Variants in CAMK2A observed in about 807,000 individuals in gnomAD.
CAMK2A encodes the protein calcium/calmodulin dependent protein kinase II alpha, also known as calcium/calmodulin-dependent protein kinase type II subunit alpha.
Under a neutral mutation model 79.2 loss-of-function variants are expected in CAMK2A, and 7 were observed. The ratio of observed to expected loss-of-function variants is 0.09; its 90% CI spans 0.05 to 0.17. The LOEUF is 0.17. CAMK2A is among the 10% of genes least tolerant of loss of function. The probability of loss-of-function intolerance (pLI) is 1.00; values close to 1 mark genes in which losing one functional copy is unlikely to be tolerated. For synonymous variants in CAMK2A, 242 were observed against 251.7 expected (o/e 0.96, Z 0.36); for missense variants, 214 against 646.4 (o/e 0.33, Z 7.25).
At chr5:150,225,041 G>GGAGAGAGAGAGAGAGAGAGAGA (rs58360121) in intron 17 of CAMK2A, among the ~76,000 whole-genome samples, 5 of 108,892 alleles carry the variant, frequency 4.6e-5, no homozygotes, top group Admixed American at 1.0e-4. Context: ...TGGTAGGTAG[G>GGAGAGAGAGAGAGAGAGAGAGA]GAGAGAGAGA....
At chr5:150,261,492 T>C (rs2150290370) in intron 3 of CAMK2A, among the ~76,000 whole-genome samples, 2 of 152,334 alleles carry the variant, frequency 1.3e-5, no homozygotes, top group African/African-American at 4.8e-5. Context: ...TCTGTCACTT[T>C]TGACTGTTTA....
intron 13 of CAMK2A, among the ~76,000 whole-genome samples, chr5:150,243,311 C>T (rs1201499328): frequency 2.0e-5 from 3 of 152,180 alleles, no homozygotes; most frequent in Non-Finnish European, 2.9e-5. Flanking sequence ...CCACATCCCC[C>T]AAATCGGAAC....
In CAMK2A at chr5:150,272,454, C is replaced by T. The variant is rs561943502; in HGVS notation, c.157+611G>A. On this transcript the variant is annotated intron_variant, in intron 2 of 18. Transcript: ENST00000671881. ...GGGCATGGCGGTGGACGCTTGTAAT[C>T]CCAGCTACTCAGGAGGCTGAGGCAG... Among the ~76,000 whole-genome samples the T allele has an allele frequency of 2.0e-5, 3 of 151,878 alleles. No individual in the cohort carries two copies. In the South Asian group the frequency reaches 6.3e-4, roughly 32 times the overall value.
chr5:150,236,452 C>T (rs573079867), intron 15 of CAMK2A, among the ~76,000 whole-genome samples: 1 of 152,360 alleles, frequency 6.6e-6, no homozygotes, highest in East Asian at 1.9e-4. Context: ...TATGCATCTT[C>T]TCATTTCATC....
At chr5:150,276,862 T>A (rs1445300224) in intron 1 of CAMK2A, among the ~76,000 whole-genome samples, 1 of 152,034 alleles carries the variant, frequency 6.6e-6, no homozygotes, top group Non-Finnish European at 1.5e-5. Context: ...GAGGCAAAAC[T>A]CCATTCTAGG....
At chr5:150,252,156 G>A in intron 7 of CAMK2A, 91 bp from the exon 8 acceptor site, 1 of 991,824 alleles carries the variant, frequency 1.0e-6, no homozygotes, top group South Asian at 1.5e-5. Context: ...AGGGGATGAG[G>A]ATTGCTCTGG....
At position 150,284,681 on chromosome 5, in the gene CAMK2A, C is replaced by T. The variant is rs1757351513; in HGVS notation, c.62+4883G>A. 1.3e-5 allele frequency among the ~76,000 whole-genome samples: 2 copies of T among 152,262 alleles called. No individual in the cohort carries two copies. The highest frequency in any genetic ancestry group is 2.9e-5 in the Non-Finnish European group (2 of 68,008). ...GTTCCTGCCACCCTTTCCTTGAGGTCCTGCCCCTCAATTTCCCATCCTTTG... is the reference window on the plus strand; with the variant it reads ...GTTCCTGCCACCCTTTCCTTGAGGTTCTGCCCCTCAATTTCCCATCCTTTG... On this transcript the variant is annotated intron_variant, in intron 1 of 18. Transcript: ENST00000671881. This position sits in a 1 kb window ranked among gnomAD's most constrained non-coding sequence, Gnocchi z 5.3.
At chr5:150,242,894 A>G (rs538734337) in intron 13 of CAMK2A, among the ~76,000 whole-genome samples, 3 of 152,268 alleles carry the variant, frequency 2.0e-5, no homozygotes, top group Admixed American at 1.3e-4. Flanking sequence ...CCTCCATCCA[A>G]GGGAGTGAAG....
intron 1 of CAMK2A, among the ~76,000 whole-genome samples, chr5:150,278,230 A>G (rs77942527): frequency 0.03 from 4,496 of 152,224 alleles, 214 homozygotes; most frequent in African/African-American, 0.098. Flanking sequence ...TGAATGAGGC[A>G]AGGAAAGGGG....
chr5:150,241,542 CCTCCTCTTCCCTCTCCT>C (rs1755341143), intron 13 of CAMK2A, among the ~76,000 whole-genome samples: 1 of 126,950 alleles, frequency 7.9e-6, no homozygotes, highest in Admixed American at 7.8e-5. Flanking sequence ...TCTTCTTTCC[CCTCCTCTTCCCTCTCCT>C]CTCCTCTGCC....
chr5:150,261,547 T>A (rs984135270), intron 3 of CAMK2A, among the ~76,000 whole-genome samples: 1 of 152,214 alleles, frequency 6.6e-6, no homozygotes, highest in African/African-American at 2.4e-5. Flanking sequence ...AGCTTTTTAT[T>A]TATGTGGCTT....
chr5:150,257,527 C>G lies in CAMK2A; in HGVS notation c.272+36G>C, dbSNP rs372553951. On this transcript the variant is annotated intron_variant, in intron 4 of 18. Transcript: ENST00000671881. ...GCCATCACTGGTTAGGCAGCCCCAA[C>G]ACCGTTGGCGCATCCCAGGGCGGGG... 2.2e-5 allele frequency: 34 copies of G among 1,546,040 alleles called. No homozygotes were observed. The African/African-American group carries it at 3.3e-4, about 15-fold the overall frequency.
chr5:150,266,612 T>C (rs1295069992), intron 2 of CAMK2A, among the ~76,000 whole-genome samples: 1 of 152,134 alleles, frequency 6.6e-6, no homozygotes, highest in East Asian at 1.9e-4. Flanking sequence ...GTTAAGTACC[T>C]GCCCAAAGTC....
Position 150,221,978 on chromosome 5 carries a change from T to C in CAMK2A, c.*732A>G, listed in dbSNP as rs953869475. The C allele has an allele frequency of 1.0e-5, 2 of 198,016 alleles. No homozygotes were observed. Among genetic ancestry groups the C allele is most frequent in the Non-Finnish European group, 2.1e-5 (2 of 97,286 alleles). 12.3% of individuals were successfully genotyped at this position (198,016 alleles called of 1,614,324 possible). On this transcript the variant is annotated 3_prime_UTR_variant, in exon 19 of 19. Coordinates refer to ENST00000671881, the MANE Select transcript of CAMK2A (RefSeq NM_015981.4). ...GCTTTCTTTTGCCCCCCAAAAACAA[T>C]TAGATTCCCTCTCTGAGATACGACA... is the stretch of plus-strand genomic sequence containing the variant.
intron 8 of CAMK2A, 55 bp downstream of exon 8, chr5:150,251,927 G>C (rs1363151745): frequency 6.4e-7 from 1 of 1,570,830 alleles, no homozygotes; most frequent in African/African-American, 1.4e-5. Context: ...GAGAGAGGGG[G>C]CCCCAGAGGC....
chr5:150,285,714 C>A lies in CAMK2A; in HGVS notation c.62+3850G>T, dbSNP rs545386596. 3.3e-5 allele frequency among the ~76,000 whole-genome samples: 5 copies of A among 152,298 alleles called. No individual in the cohort carries two copies. The East Asian group carries it at 9.7e-4, about 29-fold the overall frequency. On this transcript the variant is annotated intron_variant, in intron 1 of 18. Transcript: ENST00000671881. Reference sequence around the variant, plus strand: ...GCTCTGCCTTGAGTCAATTTCAGATCTCTGTTTCTAGAGAGAAAAGAGTGG... The same window carrying A: ...GCTCTGCCTTGAGTCAATTTCAGATATCTGTTTCTAGAGAGAAAAGAGTGG...
At chr5:150,249,840 G>A (rs1045757550) in intron 11 of CAMK2A, among the ~76,000 whole-genome samples, 3 of 152,098 alleles carry the variant, frequency 2.0e-5, no homozygotes, top group Non-Finnish European at 4.4e-5. Flanking sequence ...GAGTCACTGC[G>A]CCCGGCCACA....
intron 1 of CAMK2A, among the ~76,000 whole-genome samples, chr5:150,287,115 T>G (rs959589220): frequency 6.6e-6 from 1 of 152,158 alleles, no homozygotes; most frequent in African/African-American, 2.4e-5. Context: ...GAAGCTGCTG[T>G]GGAGAGCAGG....
chr5:150,240,691 GC>G (rs1202170676), intron 13 of CAMK2A, among the ~76,000 whole-genome samples: 1 of 152,158 alleles, frequency 6.6e-6, no homozygotes, highest in Non-Finnish European at 1.5e-5. Flanking sequence ...AGAAACTGAG[GC>G]CCAGAGAGGT....
Sources: gnomAD v4.1 joint callset for allele counts (sites outside exome capture counted in the v4.1 genomes callset) on GRCh38, gnomAD v4.1.1 for gene constraint, Gnocchi (gnomAD v3.1) non-coding constraint, MANE v1.5 for transcripts, NCBI Gene and HGNC (gene_info 2026-07-23, HGNC 2026-07-21) for gene names.